PARD3B: variants seen among roughly 807,000 people sequenced by gnomAD.
The protein encoded by PARD3B is partitioning defective 3 homolog B.
In PARD3B, 103 loss-of-function variants were observed where a neutral mutation model predicts 130.2. The observed-to-expected ratio is 0.79, with a 90% CI of 0.67 to 0.93. PARD3B has a LOEUF of 0.93. Ranked by LOEUF, PARD3B falls within the 40% of genes least tolerant of loss-of-function variation. PARD3B has a pLI of 0.00. For missense variants in PARD3B, 1,609 were observed against 1,499.2 expected, an observed-to-expected ratio of 1.07 and a Z score of -1.21; for synonymous variants, 583 against 553.2, an observed-to-expected ratio of 1.05 and a Z score of -0.76.
chr2:205,213,456 A>C (rs1289764796), intron 15 of PARD3B, among the ~76,000 whole-genome samples: 1 of 152,108 alleles, frequency 6.6e-6, no homozygotes, highest in African/African-American at 2.4e-5. Flanking sequence ...GTGCCCACTA[A>C]ATCCAAGATG....
intron 18 of PARD3B, among the ~76,000 whole-genome samples, chr2:205,322,176 G>T (rs1356022528): frequency 6.6e-6 from 1 of 152,144 alleles, no homozygotes; most frequent in Non-Finnish European, 1.5e-5. Context: ...AACATATTTT[G>T]AAAACATAAA....
rs2048414802 is a variant in PARD3B at position 205,460,456 on chromosome 2, T to G, written c.3044+19784T>G. 6.6e-6 allele frequency among the ~76,000 whole-genome samples: 1 copy of G among 152,070 alleles called. No homozygotes were observed. Among genetic ancestry groups the G allele is most frequent in the Non-Finnish European group, 1.5e-5 (1 of 68,016 alleles). On this transcript the variant is annotated intron_variant, in intron 20 of 22. Transcript: ENST00000406610. The surrounding 1 kb of genome is among the most constrained non-coding windows in gnomAD (Gnocchi z 4.9). Reference sequence around the variant, plus strand: ...GATGATAGTCAATAGTAGTATTTATTGTATATTTAATATATGCCCAGCATT... The same window carrying G: ...GATGATAGTCAATAGTAGTATTTATGGTATATTTAATATATGCCCAGCATT...
At chr2:205,452,426 G>T (rs140675516) in intron 20 of PARD3B, among the ~76,000 whole-genome samples, 5 of 152,318 alleles carry the variant, frequency 3.3e-5, no homozygotes, top group Admixed American at 3.3e-4. Context: ...GTTTTTACAA[G>T]TGAACAAAAG....
At chr2:204,612,344 G>C (rs1193514572) in intron 1 of PARD3B, among the ~76,000 whole-genome samples, 1 of 152,222 alleles carries the variant, frequency 6.6e-6, no homozygotes, top group Non-Finnish European at 1.5e-5. Flanking sequence ...ATAGCCCAAG[G>C]AGTATAGACC....
At chr2:204,730,589 A>AG (rs2039466392) in intron 2 of PARD3B, among the ~76,000 whole-genome samples, 2 of 151,840 alleles carry the variant, frequency 1.3e-5, no homozygotes, top group African/African-American at 2.4e-5. Flanking sequence ...AAAAAAGAAA[A>AG]AAAAAAAAAG....
chr2:205,086,643 A>G (rs1370388659), intron 4 of PARD3B, among the ~76,000 whole-genome samples: 1 of 152,108 alleles, frequency 6.6e-6, no homozygotes, highest in Admixed American at 6.6e-5. Flanking sequence ...ACAGTGGTGG[A>G]GGAAATGGGG....
chr2:205,536,366 C>T (rs982505424), intron 21 of PARD3B, among the ~76,000 whole-genome samples: 1 of 152,088 alleles, frequency 6.6e-6, no homozygotes, highest in Admixed American at 6.5e-5. Context: ...TTGCATTCTC[C>T]TGCTCCCACT....
At position 204,848,611 on chromosome 2, in the gene PARD3B, A is replaced by G. The variant is rs532875050; in HGVS notation, c.223-116541A>G. 8.6e-5 allele frequency among the ~76,000 whole-genome samples: 13 copies of G among 151,422 alleles called. No homozygotes were observed. The South Asian group carries it at 2.7e-3, about 31-fold the overall frequency. On this transcript the variant is annotated intron_variant, in intron 2 of 22. Transcript: ENST00000406610. ...GTGAGCTATGATTGTGCCATTGCAC[A>G]CTCCAGCCTGGATGATAGAGTGAGA...
chr2:205,201,645 C>A (rs544074934), intron 15 of PARD3B, among the ~76,000 whole-genome samples: 27 of 152,310 alleles, frequency 1.8e-4, no homozygotes, highest in African/African-American at 5.3e-4. Flanking sequence ...CGAGACCAGC[C>A]TGACCAACAT....
intron 2 of PARD3B, among the ~76,000 whole-genome samples, chr2:204,749,027 A>G (rs543094191): frequency 4.6e-5 from 7 of 152,206 alleles, no homozygotes; most frequent in Admixed American, 4.6e-4. Context: ...GTAAAATTTT[A>G]TATAACCTGT....
At position 205,125,472 on chromosome 2, in the gene PARD3B, C is replaced by T; in HGVS notation, c.1306-137C>T. The T allele has an allele frequency of 2.1e-6, 2 of 938,310 alleles. No individual in the cohort carries two copies. Among genetic ancestry groups the T allele is most frequent in the Non-Finnish European group, 3.1e-6 (2 of 640,522 alleles). The allele number at this position is 938,310 out of a possible 1,614,324, so 58.1% of individuals were successfully genotyped here. A position where few individuals can be genotyped will look rare whatever the true frequency, so the allele number is the denominator to read the frequency against. On this transcript the variant is annotated intron_variant, in intron 9 of 22. Coordinates refer to ENST00000406610, the MANE Select transcript of PARD3B (RefSeq NM_001302769.2). The surrounding 1 kb of genome is among the most constrained non-coding windows in gnomAD (Gnocchi z 4.0). ...ATGGGAAATATTGTTGGGTTTTGCC[C>T]ATGTATTTAGTTATCATCTTTTCAG... is the stretch of plus-strand genomic sequence containing the variant.
intron 2 of PARD3B, among the ~76,000 whole-genome samples, chr2:204,728,774 C>T (rs1372450407): frequency 1.3e-5 from 2 of 152,082 alleles, no homozygotes; most frequent in African/African-American, 4.8e-5. Context: ...TATCTTAATC[C>T]ACTCCTGTGA....
chr2:205,372,554 A>C (rs1007692426), intron 18 of PARD3B, among the ~76,000 whole-genome samples: 1 of 152,256 alleles, frequency 6.6e-6, no homozygotes, highest in African/African-American at 2.4e-5. Context: ...AAGGTAAATA[A>C]TTGGAAATGA....
In PARD3B at chr2:205,397,101, T is replaced by G. The variant is rs1208052992; in HGVS notation, c.2631-3912T>G. On this transcript the variant is annotated intron_variant, in intron 18 of 22. Coordinates refer to ENST00000406610, the MANE Select transcript of PARD3B (RefSeq NM_001302769.2). The surrounding 1 kb of genome is among the most constrained non-coding windows in gnomAD (Gnocchi z 4.8). ...AAAAAGAATTCAGTGTGTTAATAAATAAAATGCAATTAACTTCTCTGGGTC... is the reference window on the plus strand; with the variant it reads ...AAAAAGAATTCAGTGTGTTAATAAAGAAAATGCAATTAACTTCTCTGGGTC... Among the ~76,000 whole-genome samples the G allele has an allele frequency of 2.0e-5, 3 of 152,204 alleles. No individual in the cohort carries two copies. The highest frequency in any genetic ancestry group is 4.8e-5 in the African/African-American group (2 of 41,458).
intron 2 of PARD3B, among the ~76,000 whole-genome samples, chr2:204,768,729 T>C (rs2041243632): frequency 1.9e-5 from 1 of 53,562 alleles, no homozygotes; most frequent in African/African-American, 8.2e-5. Flanking sequence ...CCCTTGTAAG[T>C]TGGATTCCTA....
Position 205,211,085 on chromosome 2 carries a change from A to T in PARD3B, c.2140+17765A>T, listed in dbSNP as rs530217978. Among the ~76,000 whole-genome samples, 265 of 152,234 alleles carry T rather than the reference A, an allele frequency of 1.7e-3. 1 individual carries two copies. The highest frequency in any genetic ancestry group is 6.1e-3 in the African/African-American group (254 of 41,556). On this transcript the variant is annotated intron_variant, in intron 15 of 22. Transcript: ENST00000406610. The stretch of plus-strand genomic sequence containing the variant: ...GCAGAGGCAGAATTCAGATTTATTT[A>T]TGATAAAACTGCTTAATCTGGGTCA...
intron 2 of PARD3B, among the ~76,000 whole-genome samples, chr2:204,817,175 G>A (rs928213144): frequency 2.6e-5 from 4 of 151,402 alleles, no homozygotes; most frequent in African/African-American, 4.9e-5. Context: ...TCACATTTTT[G>A]TGAGTTCTGC....
chr2:205,196,263 T>C (rs2036676484), intron 15 of PARD3B, among the ~76,000 whole-genome samples: 1 of 152,222 alleles, frequency 6.6e-6, no homozygotes, highest in South Asian at 2.1e-4. Flanking sequence ...TTAATCTTCA[T>C]TTACAGCTTA....
chr2:204,590,537 T>C (rs951033353), intron 1 of PARD3B, among the ~76,000 whole-genome samples: 3 of 152,196 alleles, frequency 2.0e-5, no homozygotes, highest in Non-Finnish European at 4.4e-5. Context: ...TCTGGGCATA[T>C]GGCAAGTGAG....
Sources: allele counts gnomAD v4.1 joint callset (sites outside exome capture counted in the v4.1 genomes callset), GRCh38; gene constraint gnomAD v4.1.1; non-coding constraint Gnocchi (gnomAD v3.1); transcripts MANE v1.5; gene names NCBI Gene and HGNC (gene_info 2026-07-23, HGNC 2026-07-21).